The following FRRS1 variants were observed in gnomAD, a reference collection of about 807,000 sequenced individuals.
The protein encoded by FRRS1 is ferric reductase 1.
In FRRS1, 51 loss-of-function variants were observed where a neutral mutation model predicts 70.7. The ratio of observed to expected loss-of-function variants is 0.72; its 90% confidence interval spans 0.58 to 0.91. The LOEUF is 0.91. FRRS1 is among the 40% of genes least tolerant of loss of function. The pLI, the probability that FRRS1 is intolerant of heterozygous loss-of-function variation, is 0.00. For missense variants in FRRS1, 672 were observed against 726.0 expected (o/e 0.93, Z 0.86); for synonymous variants, 225 against 238.7 (o/e 0.94, Z 0.53).
intron 7 of FRRS1, among the ~76,000 whole-genome samples, chr1:99,732,710 G>T (rs1287354821): frequency 1.3e-5 from 2 of 152,050 alleles, no homozygotes; most frequent in Non-Finnish European, 2.9e-5. Flanking sequence ...AGAGCTCTAA[G>T]GCTGAAAATT....
intron 1 of FRRS1, among the ~76,000 whole-genome samples, chr1:99,762,726 G>A (rs374548712): frequency 5.3e-5 from 8 of 152,202 alleles, no homozygotes; most frequent in African/African-American, 1.7e-4. Context: ...ATGGTGGTCT[G>A]TCAACACATT....
rs183062744 is a variant in FRRS1 at position 99,728,635 on chromosome 1, G to A, written c.864C>T (p.Thr288=). 19 of 1,612,806 alleles carry A rather than the reference G, an allele frequency of 1.2e-5. No homozygotes were observed. The African/African-American group carries it at 2.3e-4, about 19-fold the overall frequency. Residue 288 remains threonine, a synonymous_variant, in exon 9 of 17, where the codon ACC becomes ACT. Transcript: ENST00000646001. ...RSHPVMDSRD[T]LEDMAWRLAD... is the part of the protein sequence containing the mutation. ...CCAACCTCCAAGCCATATCCTCAAGGGTATCCTACAAACACACACAATGGG... is the reference window on the plus strand; with the variant it reads ...CCAACCTCCAAGCCATATCCTCAAGAGTATCCTACAAACACACACAATGGG...
At chr1:99,723,104 G>A (rs1271764428) in intron 9 of FRRS1, among the ~76,000 whole-genome samples, 4 of 151,954 alleles carry the variant, frequency 2.6e-5, no homozygotes, top group Non-Finnish European at 4.4e-5. Flanking sequence ...TGCCCTATAT[G>A]AAGATATGTA....
chr1:99,715,797 T>C, intron 11 of FRRS1, 125 bp from the exon 12 acceptor site: 1 of 589,892 alleles, frequency 1.7e-6, no homozygotes, highest in East Asian at 2.9e-5. Context: ...TCAACTGACA[T>C]CTAATCACAG....
Position 99,708,832 on chromosome 1 carries a change from C to G in FRRS1, c.*196G>C. On this transcript the variant is annotated 3_prime_UTR_variant, in exon 17 of 17. Transcript: ENST00000646001. Reference sequence around the variant, plus strand: ...ACCCAGAATTACATATAGGGCATGACATTAATTTATAGTCTATATGACCCT... The same window carrying G: ...ACCCAGAATTACATATAGGGCATGAGATTAATTTATAGTCTATATGACCCT... The G allele has an allele frequency of 9.4e-7, 1 of 1,067,096 alleles. No individual in the cohort carries two copies. The highest frequency in any genetic ancestry group is 1.4e-6 in the Non-Finnish European group (1 of 701,100). 66.1% of individuals were successfully genotyped at this position (1,067,096 alleles called of 1,614,324 possible).
chr1:99,717,562 A>G lies in FRRS1; in HGVS notation c.1121-37T>C, dbSNP rs1337434795. ...ATAAATGCAATAGTAGACAATCACAAACGAATCAAGCCATCGCTTAAATGA... is the reference window on the plus strand; with the variant it reads ...ATAAATGCAATAGTAGACAATCACAGACGAATCAAGCCATCGCTTAAATGA... On this transcript the variant is annotated intron_variant, in intron 10 of 16. Coordinates refer to ENST00000646001, the MANE Select transcript of FRRS1 (RefSeq NM_001361041.2). The G allele has an allele frequency of 2.9e-6, 4 of 1,393,206 alleles. No homozygotes were observed. The African/African-American group carries it at 4.2e-5, about 15-fold the overall frequency. 86.3% of individuals were successfully genotyped at this position (1,393,206 alleles called of 1,614,324 possible).
chr1:99,748,293 A>C (rs982659477), intron 3 of FRRS1: 14 of 246,642 alleles, frequency 5.7e-5, no homozygotes, highest in Non-Finnish European at 1.5e-5. Flanking sequence ...ATTTTAAACA[A>C]GATAAAATAA....
chr1:99,738,345 C>T (rs1655784048), intron 6 of FRRS1, 77 bp from the exon 7 acceptor site: 8 of 1,025,900 alleles, frequency 7.8e-6, no homozygotes, highest in Middle Eastern at 6.1e-4. Flanking sequence ...AGAATAACTA[C>T]CTTCAAGTAC....
intron 1 of FRRS1, among the ~76,000 whole-genome samples, chr1:99,755,748 T>C (rs976035862): frequency 6.6e-6 from 1 of 152,112 alleles, no homozygotes; most frequent in African/African-American, 2.4e-5. Context: ...AATTCTAAAA[T>C]TTTACGATTT....
Position 99,707,092 on chromosome 1 carries a change from G to A in FRRS1, c.*1936C>T, listed in dbSNP as rs892917289. Among the ~76,000 whole-genome samples, 6 of 151,914 alleles carry A rather than the reference G, an allele frequency of 3.9e-5. No homozygotes were observed. The highest frequency in any genetic ancestry group is 5.9e-5 in the Non-Finnish European group (4 of 67,972). ...AAGTAGCATGGCACATATAGAATAT[G>A]AACACAGAAAGTTCATATCTAAGCC... On this transcript the variant is annotated 3_prime_UTR_variant, in exon 17 of 17. Transcript: ENST00000646001.
intron 1 of FRRS1, among the ~76,000 whole-genome samples, chr1:99,761,823 C>T (rs1474349344): frequency 1.3e-5 from 2 of 151,834 alleles, no homozygotes; most frequent in African/African-American, 2.4e-5. Flanking sequence ...CACACAGGGA[C>T]AGAAATTTTA....
intron 1 of FRRS1, among the ~76,000 whole-genome samples, chr1:99,753,435 C>T (rs1314508684): frequency 6.6e-6 from 1 of 151,586 alleles, no homozygotes. Flanking sequence ...GTAAAAAACA[C>T]ACTATCTGCA....
chr1:99,716,013 C>T (rs1184836152), intron 11 of FRRS1, among the ~76,000 whole-genome samples: 1 of 152,132 alleles, frequency 6.6e-6, no homozygotes, highest in Non-Finnish European at 1.5e-5. Context: ...GCTCCACCAT[C>T]GAGCACAGTG....
In FRRS1 at chr1:99,735,439, G is replaced by A. The variant is rs528125403; in HGVS notation, c.759+2647C>T. Among the ~76,000 whole-genome samples the A allele has an allele frequency of 1.3e-4, 20 of 152,304 alleles. No individual in the cohort carries two copies. In the South Asian group the frequency reaches 3.9e-3, roughly 30 times the overall value. The stretch of plus-strand genomic sequence containing the variant: ...TTTAGGTTATCGAATGAGTATTCGT[G>A]ACATCAGATACCTTCAGTATTTAAA... On this transcript the variant is annotated intron_variant, in intron 7 of 16. Transcript: ENST00000646001.
intron 9 of FRRS1, among the ~76,000 whole-genome samples, chr1:99,721,254 C>G (rs1359508388): frequency 1.3e-5 from 2 of 151,934 alleles, no homozygotes; most frequent in Admixed American, 1.3e-4. Flanking sequence ...TGGTGGGCAC[C>G]TGTAATCCCA....
chr1:99,760,079 A>T (rs1395430357), intron 1 of FRRS1, among the ~76,000 whole-genome samples: 2 of 152,232 alleles, frequency 1.3e-5, no homozygotes, highest in African/African-American at 4.8e-5. Context: ...GCTTTATAAG[A>T]GACTGAATAG....
At position 99,707,028 on chromosome 1, in the gene FRRS1, T is replaced by C. The variant is rs1457512736; in HGVS notation, c.*2000A>G. 2.0e-5 allele frequency among the ~76,000 whole-genome samples: 3 copies of C among 152,176 alleles called. No individual in the cohort carries two copies. The highest frequency in any genetic ancestry group is 4.4e-5 in the Non-Finnish European group (3 of 68,036). On this transcript the variant is annotated 3_prime_UTR_variant, in exon 17 of 17. Transcript: ENST00000646001. ...ACACACTTAATTTGCTATACTAAAT[T>C]TTTTTAATAAAGACCTTCAAAAGGA...
At chr1:99,748,813 A>T (rs1252205047) in intron 2 of FRRS1, 45 bp from the exon 3 acceptor site, 3 of 1,454,490 alleles carry the variant, frequency 2.1e-6, no homozygotes, top group Non-Finnish European at 2.8e-6. Flanking sequence ...ATATAATTAA[A>T]ATATAAAAGC....
chr1:99,713,162 C>T (rs1654357275), intron 12 of FRRS1, among the ~76,000 whole-genome samples: 1 of 152,152 alleles, frequency 6.6e-6, no homozygotes, highest in African/African-American at 2.4e-5. Context: ...ACAATGCTCA[C>T]AGAAAGCCTA....
Sources: allele counts gnomAD v4.1 joint callset (sites outside exome capture counted in the v4.1 genomes callset), GRCh38; gene constraint gnomAD v4.1.1; transcripts MANE v1.5; gene names NCBI Gene and HGNC (gene_info 2026-07-23, HGNC 2026-07-21).